MXD1: variants seen among roughly 807,000 people sequenced by gnomAD.
MXD1 encodes the protein MAX-binding protein.
Under a neutral mutation model 25.7 loss-of-function variants are expected in MXD1, and 9 were observed. The ratio of observed to expected loss-of-function variants is 0.35; its 90% CI spans 0.21 to 0.61. MXD1 has a LOEUF of 0.61. Among genes scored for constraint, MXD1 ranks in the 20% least tolerant of loss-of-function variants. MXD1 has a pLI of 0.75. For missense variants in MXD1, 227 were observed against 292.4 expected (o/e 0.78, Z 1.63); for synonymous variants, 99 against 113.9 (o/e 0.87, Z 0.83).
chr2:69,920,240 C>T (rs1677040348), intron 2 of MXD1, among the ~76,000 whole-genome samples: 1 of 152,198 alleles, frequency 6.6e-6, no homozygotes, highest in South Asian at 2.1e-4. Flanking sequence ...CCTGCCTCGG[C>T]CTCCCAAAGT....
At chr2:69,933,216 A>C (rs543220663) in intron 3 of MXD1, among the ~76,000 whole-genome samples, 108 of 150,972 alleles carry the variant, frequency 7.2e-4, no homozygotes, top group African/African-American at 1.7e-3. Flanking sequence ...AAAAAAAAAA[A>C]AAAAAAAACA....
At chr2:69,926,741 A>G (rs2104180319) in intron 3 of MXD1, among the ~76,000 whole-genome samples, 1 of 152,332 alleles carries the variant, frequency 6.6e-6, no homozygotes, top group Middle Eastern at 3.4e-3. Flanking sequence ...ATTGATGATA[A>G]TTCTGCTATT....
At chr2:69,916,909 TC>T (rs941430981) in intron 2 of MXD1, among the ~76,000 whole-genome samples, 8 of 152,236 alleles carry the variant, frequency 5.3e-5, no homozygotes, top group Admixed American at 5.2e-4. Context: ...GTCAGTTAAA[TC>T]ACATATTAAA....
At chr2:69,919,330 T>C (rs919724465) in intron 2 of MXD1, among the ~76,000 whole-genome samples, 1 of 152,112 alleles carries the variant, frequency 6.6e-6, no homozygotes, top group African/African-American at 2.4e-5. Flanking sequence ...TGGCATATAC[T>C]TTCATCCATT....
Position 69,938,376 on chromosome 2 carries a change from T to C in MXD1, c.*92T>C, listed in dbSNP as rs374812564. 10 of 1,353,008 alleles carry C rather than the reference T, an allele frequency of 7.4e-6. No individual in the cohort carries two copies. In the East Asian group the frequency reaches 9.3e-5, roughly 13 times the overall value. The allele number at this position is 1,353,008 out of a possible 1,614,324, so 83.8% of individuals were successfully genotyped here. A position where few individuals can be genotyped will look rare whatever the true frequency, so the allele number is the denominator to read the frequency against. ...GACCTGCCCACAACTCCCTTGCACGTAAACTTCAGTGTCCCACCTTGACCA... is the reference window on the plus strand; with the variant it reads ...GACCTGCCCACAACTCCCTTGCACGCAAACTTCAGTGTCCCACCTTGACCA... On this transcript the variant is annotated 3_prime_UTR_variant, in exon 6 of 6. Coordinates refer to ENST00000264444, the MANE Select transcript of MXD1 (RefSeq NM_002357.4).
chr2:69,934,945 CAAG>C (rs1400222193), intron 3 of MXD1, among the ~76,000 whole-genome samples: 1 of 152,132 alleles, frequency 6.6e-6, no homozygotes, highest in African/African-American at 2.4e-5. Flanking sequence ...GGTTATGTCT[CAAG>C]AAGCCCATCA....
chr2:69,916,962 TG>T (rs1412434476), intron 2 of MXD1, among the ~76,000 whole-genome samples: 1 of 152,240 alleles, frequency 6.6e-6, no homozygotes, highest in Non-Finnish European at 1.5e-5. Flanking sequence ...AGTCCATCAA[TG>T]TTGCTGCCCG....
intron 3 of MXD1, among the ~76,000 whole-genome samples, chr2:69,922,315 A>T (rs1444335376): frequency 6.6e-6 from 1 of 152,150 alleles, no homozygotes; most frequent in East Asian, 1.9e-4. Flanking sequence ...ATCTTGCCGC[A>T]GCCTGAGTGG....
Position 69,937,287 on chromosome 2 carries a change from G to A in MXD1, c.371G>A (p.Arg124Gln), listed in dbSNP as rs759964038. The change falls in exon 5 of 6, where the codon CGA becomes CAA. Residue 124 changes from arginine to glutamine, a missense_variant. Arg to Gln is a conservative substitution (Grantham distance 43, BLOSUM62 1). Transcript: ENST00000264444. ...KAVHQIDQLQ[R>Q]EQRHLKRQLE... ...GTTCACCAAATCGACCAGCTTCAGC[G>A]AGAGCAGCGACACCTGAAGAGGCAG... is the stretch of plus-strand genomic sequence containing the variant. 1.5e-5 allele frequency: 24 copies of A among 1,614,200 alleles called. No individual in the cohort carries two copies. Among genetic ancestry groups the A allele is most frequent in the Non-Finnish European group, 1.9e-5 (22 of 1,180,034 alleles).
At chr2:69,931,411 T>G (rs1339841968) in intron 3 of MXD1, among the ~76,000 whole-genome samples, 3 of 152,128 alleles carry the variant, frequency 2.0e-5, no homozygotes, top group Non-Finnish European at 4.4e-5. Context: ...ATCCAAAAAA[T>G]AAGTGAGAAT....
chr2:69,921,974 C>T (rs889017319), intron 3 of MXD1, among the ~76,000 whole-genome samples: 5 of 152,154 alleles, frequency 3.3e-5, no homozygotes, highest in South Asian at 2.1e-4. Flanking sequence ...AACCCTCACC[C>T]GCACCAGCCC....
At chr2:69,916,984 T>G (rs943426154) in intron 2 of MXD1, among the ~76,000 whole-genome samples, 10 of 152,332 alleles carry the variant, frequency 6.6e-5, no homozygotes, top group Non-Finnish European at 1.2e-4. Flanking sequence ...TTTCCCCCCT[T>G]CTTTGCCCTT....
intron 3 of MXD1, among the ~76,000 whole-genome samples, chr2:69,925,015 G>A (rs187235884): frequency 2.1e-3 from 322 of 152,266 alleles, no homozygotes; most frequent in Non-Finnish European, 2.7e-3. Flanking sequence ...TTCTAGAATG[G>A]TGGTGGTGGT....
Position 69,938,391 on chromosome 2 carries a change from C to A in MXD1, c.*107C>A. ...CCCTTGCACGTAAACTTCAGTGTCC[C>A]ACCTTGACCAAAATCAGCTTTGTAA... On this transcript the variant is annotated 3_prime_UTR_variant, in exon 6 of 6. Transcript: ENST00000264444. The A allele has an allele frequency of 1.7e-6, 2 of 1,171,626 alleles. No homozygotes were observed. Among genetic ancestry groups the A allele is most frequent in the East Asian group, 2.4e-5 (1 of 41,156 alleles). The allele number at this position is 1,171,626 out of a possible 1,614,324, so 72.6% of individuals were successfully genotyped here. A position where few individuals can be genotyped will look rare whatever the true frequency, so the allele number is the denominator to read the frequency against.
Position 69,915,492 on chromosome 2 carries a change from G to C in MXD1, c.73+89G>C, listed in dbSNP as rs1057502246. 3.6e-6 allele frequency: 4 copies of C among 1,102,894 alleles called. No homozygotes were observed. The African/African-American group carries it at 4.9e-5, about 13-fold the overall frequency. The allele number at this position is 1,102,894 out of a possible 1,614,324, so 68.3% of individuals were successfully genotyped here. On this transcript the variant is annotated intron_variant, in intron 1 of 5. Coordinates refer to ENST00000264444, the MANE Select transcript of MXD1 (RefSeq NM_002357.4). This position sits in a 1 kb window ranked among gnomAD's most constrained non-coding sequence, Gnocchi z 5.8. ...GGTCCGGGCGCCCAGCCGCTCCGGG[G>C]GTGGTTGGAGGCGGGGAGACCGCGA...
chr2:69,938,254 G>C lies in MXD1; in HGVS notation c.636G>C (p.Gln212His). 6.2e-7 allele frequency: 1 copy of C among 1,614,196 alleles called. No individual in the cohort carries two copies. Among genetic ancestry groups the C allele is most frequent in the Non-Finnish European group, 8.5e-7 (1 of 1,180,020 alleles). ...CCAGCATCAAGAGAATAAAGCTGCAGGACAGTCACAAGGCGTGTCTTGGTC... is the reference window on the plus strand; with the variant it reads ...CCAGCATCAAGAGAATAAAGCTGCACGACAGTCACAAGGCGTGTCTTGGTC... ...SSTSIKRIKLQDSHKACLGL is the reference protein window; with the variant it reads ...SSTSIKRIKLHDSHKACLGL Residue 212 changes from glutamine (Q) to histidine (H), a missense_variant, in exon 6 of 6, where the codon CAG (glutamine) becomes CAC (histidine). Physicochemically the swap from Gln to His is conservative, Grantham distance 24. Transcript: ENST00000264444.
intron 3 of MXD1, among the ~76,000 whole-genome samples, chr2:69,923,616 C>T (rs1194995554): frequency 6.6e-6 from 1 of 151,572 alleles, no homozygotes; most frequent in Non-Finnish European, 1.5e-5. Flanking sequence ...CTGAGTGTGC[C>T]TCACTGCATA....
In MXD1 at chr2:69,926,338, C is replaced by CT. The variant is rs982138907; in HGVS notation, c.203+4584dup. On this transcript the variant is annotated intron_variant, in intron 3 of 5. Coordinates refer to ENST00000264444, the MANE Select transcript of MXD1 (RefSeq NM_002357.4). ...TGCCAATATATACCCTTTCATTCTC[C>CT]TTTTTTTTTTTCCATGCCCTTATCT... 3.8e-3 allele frequency among the ~76,000 whole-genome samples: 559 copies of CT among 146,436 alleles called. 10 individuals carry two copies. In the South Asian group the frequency reaches 0.071, roughly 19 times the overall value.
chr2:69,918,138 G>A (rs1017984089), intron 2 of MXD1, among the ~76,000 whole-genome samples: 2 of 152,186 alleles, frequency 1.3e-5, no homozygotes, highest in Admixed American at 6.5e-5. Context: ...GGTTTGAATC[G>A]GCTTTATATC....
Sources: gnomAD v4.1 joint callset for allele counts (sites outside exome capture counted in the v4.1 genomes callset) on GRCh38, gnomAD v4.1.1 for gene constraint, Gnocchi (gnomAD v3.1) non-coding constraint, MANE v1.5 for transcripts, NCBI Gene and HGNC (gene_info 2026-07-23, HGNC 2026-07-21) for gene names.